Variants in CLCN5 observed in about 807,000 individuals in gnomAD.
CLCN5 encodes H(+)/Cl(-) exchange transporter 5.
A neutral mutation model predicts 54.0 loss-of-function variants in CLCN5; 17 were observed. The observed-to-expected ratio is 0.31, with a 90% confidence interval of 0.22 to 0.47. CLCN5 has a LOEUF of 0.47. Among genes scored for constraint, CLCN5 ranks in the 20% least tolerant of loss-of-function variants. CLCN5 has a pLI of 1.00. For missense variants in CLCN5, 448 were observed against 646.7 expected, an observed-to-expected ratio of 0.69 and a Z score of 3.33; for synonymous variants, 222 against 233.0, an observed-to-expected ratio of 0.95 and a Z score of 0.43.
At chrX:50,064,955 C>CAT (rs1193950943) in intron 4 of CLCN5, among the ~76,000 whole-genome samples, 1 of 110,949 alleles carries the variant, frequency 9.0e-6, no homozygotes, top group African/African-American at 3.3e-5. Context: ...ACTGGCTAGC[C>CAT]ATATGTAGAA....
chrX:50,067,771 T>C (rs1933082757), intron 4 of CLCN5: 2 of 741,719 alleles, frequency 2.7e-6, no homozygotes, highest in Non-Finnish European at 3.2e-6. Context: ...GTAAGCAGAC[T>C]TGAGCCTGAC....
chrX:50,017,687 T>C (rs907968268), intron 3 of CLCN5, among the ~76,000 whole-genome samples: 3 of 111,698 alleles, frequency 2.7e-5, no homozygotes, highest in African/African-American at 9.7e-5. Flanking sequence ...AGATTCATTT[T>C]TTTTTTTGCA....
intron 9 of CLCN5, among the ~76,000 whole-genome samples, chrX:50,083,703 A>G (rs1035323596): frequency 8.9e-6 from 1 of 112,236 alleles, no homozygotes; most frequent in Admixed American, 9.4e-5. Context: ...TCAGAAAAAA[A>G]TAGAATCATA....
At chrX:50,025,253 C>T (rs1294243448) in intron 3 of CLCN5, among the ~76,000 whole-genome samples, 5 of 60,397 alleles carry the variant, frequency 8.3e-5, no homozygotes, top group African/African-American at 2.6e-4. Context: ...CAGGTGCGTC[C>T]GTCACCCCTT....
At chrX:50,089,569 A>G (rs1269760325) in intron 12 of CLCN5, among the ~76,000 whole-genome samples, 2 of 112,327 alleles carry the variant, frequency 1.8e-5, no homozygotes, top group Non-Finnish European at 3.8e-5. Flanking sequence ...AAGCAACAGA[A>G]AAATGAAAGA....
chrX:49,929,079 T>C (rs1438609172), intron 3 of CLCN5, among the ~76,000 whole-genome samples: 1 of 111,367 alleles, frequency 9.0e-6, no homozygotes, highest in African/African-American at 3.3e-5. Flanking sequence ...GAAGAGGCAA[T>C]GTGTGAGTCT....
chrX:50,008,551 C>G (rs1462135525), intron 3 of CLCN5: 1 of 336,450 alleles, frequency 3.0e-6, no homozygotes, highest in Non-Finnish European at 6.2e-6. Context: ...TTTCTGTCCT[C>G]CTATCATCCA....
At chrX:50,063,970 TA>T (rs1186755271) in intron 4 of CLCN5, among the ~76,000 whole-genome samples, 7 of 108,751 alleles carry the variant, frequency 6.4e-5, no homozygotes, top group African/African-American at 2.4e-4. Context: ...CCCTTCATGC[TA>T]AAAACTCTCA....
intron 3 of CLCN5, among the ~76,000 whole-genome samples, chrX:49,968,883 C>T (rs1928047721): frequency 1.2e-5 from 1 of 80,880 alleles, no homozygotes; most frequent in Non-Finnish European, 2.0e-5. Flanking sequence ...AACAGGCAAC[C>T]TACAACATGG....
intron 4 of CLCN5, among the ~76,000 whole-genome samples, chrX:50,052,597 G>A (rs947834131): frequency 1.8e-5 from 2 of 111,441 alleles, no homozygotes; most frequent in Admixed American, 1.9e-4. Flanking sequence ...TTTTCTGGAA[G>A]AGATTGGGGA....
chrX:50,092,243 G>A lies in CLCN5; in HGVS notation c.*24G>A. The stretch of plus-strand genomic sequence containing the variant: ...AGAATCATAGAGTTCTGGATGTAAA[G>A]CGGGAAGGACATTACAGACCATGGA... On this transcript the variant is annotated 3_prime_UTR_variant, in exon 15 of 15. Coordinates refer to ENST00000376091, the MANE Select transcript of CLCN5 (RefSeq NM_001127898.4). The A allele has an allele frequency of 9.5e-7, 1 of 1,055,170 alleles. No homozygotes were observed. The highest frequency in any genetic ancestry group is 1.9e-5 in the South Asian group (1 of 53,550). 87.0% of individuals were successfully genotyped at this position (1,055,170 alleles called of 1,213,427 possible).
chrX:50,003,674 A>G, intron 3 of CLCN5: 1 of 296,567 alleles, frequency 3.4e-6, no homozygotes, highest in Non-Finnish European at 7.0e-6. Context: ...TGTGGTGGGA[A>G]GGAGAATGAC....
At chrX:50,015,888 A>G (rs1278956263) in intron 3 of CLCN5, among the ~76,000 whole-genome samples, 6 of 111,610 alleles carry the variant, frequency 5.4e-5, no homozygotes, top group African/African-American at 9.8e-5. Context: ...GTTCTTAAAC[A>G]TTTGGGACTT....
intron 5 of CLCN5, 59 bp downstream of exon 5, chrX:50,070,089 A>G (rs1933172269): frequency 1.9e-6 from 2 of 1,052,021 alleles, no homozygotes; most frequent in Non-Finnish European, 2.6e-6. Flanking sequence ...GAAATTGAAG[A>G]TACATATTCT....
chrX:50,086,562 C>T lies in CLCN5; in HGVS notation c.1249C>T (p.Arg417Ter), dbSNP rs797044810. The change falls in exon 11 of 15, where the codon CGA (arginine) becomes TGA (stop). Residue 417 changes from arginine to a stop codon, truncating the protein, a stop_gained. Transcript: ENST00000376091. LOFTEE classifies it high-confidence loss of function. ...IRTNIAWCRKRKTTQLGKYPV... is the reference protein window; with the variant it reads ...IRTNIAWCRK ...CACAAACATTGCCTGGTGTCGGAAG[C>T]GAAAGACCACCCAGTTGGGCAAGTA... 8.3e-7 allele frequency: 1 copy of T among 1,210,908 alleles called. No individual in the cohort carries two copies. The highest frequency in any genetic ancestry group is 1.1e-6 in the Non-Finnish European group (1 of 895,289).
intron 3 of CLCN5, among the ~76,000 whole-genome samples, chrX:49,985,775 T>G (rs1186195611): frequency 2.7e-5 from 3 of 111,730 alleles, no homozygotes; most frequent in Non-Finnish European, 5.7e-5. Context: ...AGTAACCATT[T>G]AATTAATTAA....
Position 50,023,198 on chromosome X carries a change from C to T in CLCN5, c.17-19118C>T, listed in dbSNP as rs1232980370. Among the ~76,000 whole-genome samples, 12 of 74,089 alleles carry T rather than the reference C, an allele frequency of 1.6e-4. No homozygotes were observed. In the South Asian group the frequency reaches 2.2e-3, roughly 14 times the overall value. The allele number at this position is 74,089 out of a possible 115,157, so 64.3% of individuals were successfully genotyped here. A position where few individuals can be genotyped will look rare whatever the true frequency, so the allele number is the denominator to read the frequency against. ...GCATAAATATTTAGGATAGTTAGCT[C>T]CTCTTGTTGAATTGATCCCTTTACC... On this transcript the variant is annotated intron_variant, in intron 3 of 14. Transcript: ENST00000376091.
chrX:49,961,208 T>C (rs1041640964), intron 3 of CLCN5, among the ~76,000 whole-genome samples: 1 of 112,514 alleles, frequency 8.9e-6, no homozygotes. Context: ...CTTCTTTCTC[T>C]GCTTTTATTA....
At chrX:50,088,055 T>TTTAATCTTTCTTGA (rs1196453092) in intron 11 of CLCN5, among the ~76,000 whole-genome samples, 1 of 112,339 alleles carries the variant, frequency 8.9e-6, no homozygotes, top group Non-Finnish European at 1.9e-5. Context: ...CTTGATACTG[T>TTTAATCTTTCTTGA]TACAAAATAG....
Sources: allele counts gnomAD v4.1 joint callset (sites outside exome capture counted in the v4.1 genomes callset), GRCh38; gene constraint gnomAD v4.1.1; transcripts MANE v1.5; gene names NCBI Gene and HGNC (gene_info 2026-07-23, HGNC 2026-07-21).